The following ADGRB3 variants were observed in gnomAD, a reference collection of about 807,000 sequenced individuals.
ADGRB3 encodes adhesion G protein-coupled receptor B3.
Under a neutral mutation model 193.4 loss-of-function variants are expected in ADGRB3, and 37 were observed. The observed-to-expected ratio is 0.19, with a 90% confidence interval of 0.15 to 0.25. ADGRB3 has a LOEUF of 0.25. ADGRB3 is among the 10% of genes least tolerant of loss of function. The pLI is 1.00. For missense variants in ADGRB3, 1,637 were observed against 1,852.9 expected, an observed-to-expected ratio of 0.88 and a Z score of 2.14; for synonymous variants, 690 against 644.2, an observed-to-expected ratio of 1.07 and a Z score of -1.08.
At chr6:69,098,117 A>C (rs1238781571) in intron 17 of ADGRB3, among the ~76,000 whole-genome samples, 2 of 152,178 alleles carry the variant, frequency 1.3e-5, no homozygotes, top group African/African-American at 4.8e-5. Context: ...CAATTAAAAT[A>C]GTGCAGCTTA....
At chr6:68,989,184 G>A (rs1487451170) in intron 10 of ADGRB3, among the ~76,000 whole-genome samples, 3 of 152,008 alleles carry the variant, frequency 2.0e-5, no homozygotes, top group African/African-American at 7.2e-5. Flanking sequence ...AGGAGACTCA[G>A]CAAAACAAGA....
chr6:69,014,730 G>A (rs1770039000), intron 12 of ADGRB3, among the ~76,000 whole-genome samples: 1 of 151,942 alleles, frequency 6.6e-6, no homozygotes, highest in Non-Finnish European at 1.5e-5. Context: ...TGGGTTAGAA[G>A]TCTAGAAAGA....
intron 3 of ADGRB3, among the ~76,000 whole-genome samples, chr6:68,881,134 AC>A (rs1441575107): frequency 6.6e-6 from 1 of 151,588 alleles, no homozygotes; most frequent in Non-Finnish European, 1.5e-5. Context: ...AAGCAGCTTA[AC>A]CCAGGTATAC....
chr6:69,157,751 A>G (rs1466320710), intron 17 of ADGRB3, among the ~76,000 whole-genome samples: 1 of 151,888 alleles, frequency 6.6e-6, no homozygotes, highest in Non-Finnish European at 1.5e-5. Flanking sequence ...CCCCTCCATG[A>G]TTTTGGATAT....
intron 13 of ADGRB3, among the ~76,000 whole-genome samples, chr6:69,021,366 T>A (rs1352934503): frequency 6.6e-6 from 1 of 151,900 alleles, no homozygotes; most frequent in East Asian, 1.9e-4. Context: ...CAGTCAAATA[T>A]GAATGCCAAA....
intron 13 of ADGRB3, among the ~76,000 whole-genome samples, chr6:69,018,963 A>G (rs781543788): frequency 3.9e-5 from 6 of 151,994 alleles, no homozygotes; most frequent in Admixed American, 3.3e-4. Context: ...TGTGTGTGGT[A>G]GAACACTTGA....
chr6:68,934,722 A>G (rs1767437188), intron 4 of ADGRB3, among the ~76,000 whole-genome samples: 1 of 152,186 alleles, frequency 6.6e-6, no homozygotes, highest in Non-Finnish European at 1.5e-5. Flanking sequence ...ATACACATAT[A>G]TGTGGATTTT....
At chr6:69,210,149 C>CATATATATATATATATATATACATAT (rs58586306) in intron 17 of ADGRB3, among the ~76,000 whole-genome samples, 1 of 78,940 alleles carries the variant, frequency 1.3e-5, no homozygotes, top group African/African-American at 6.3e-5. Flanking sequence ...TAATATATAT[C>CATATATATATATATATATATACATAT]ATATATATAT....
At chr6:69,116,715 T>C (rs1277689386) in intron 17 of ADGRB3, among the ~76,000 whole-genome samples, 2 of 152,192 alleles carry the variant, frequency 1.3e-5, no homozygotes, top group Non-Finnish European at 2.9e-5. Context: ...AGTGCTAGGG[T>C]AAGAAGAAAG....
chr6:68,691,030 TA>T (rs766919413), intron 3 of ADGRB3, among the ~76,000 whole-genome samples: 1 of 152,126 alleles, frequency 6.6e-6, no homozygotes, highest in Non-Finnish European at 1.5e-5. Flanking sequence ...TTACACATAT[TA>T]GGAAATTGAT....
intron 3 of ADGRB3, among the ~76,000 whole-genome samples, chr6:68,876,262 C>T (rs1042350773): frequency 9.2e-5 from 14 of 152,054 alleles, no homozygotes; most frequent in Admixed American, 4.6e-4. Flanking sequence ...GGACTCCCTA[C>T]GGGAGCTGTG....
intron 29 of ADGRB3, among the ~76,000 whole-genome samples, chr6:69,365,560 AT>A (rs1769550168): frequency 6.6e-6 from 1 of 152,030 alleles, no homozygotes; most frequent in African/African-American, 2.4e-5. Flanking sequence ...TCTTGCCTTA[AT>A]TTTTCTTATC....
At chr6:68,965,601 T>C (rs1768358778) in intron 8 of ADGRB3, among the ~76,000 whole-genome samples, 1 of 152,170 alleles carries the variant, frequency 6.6e-6, no homozygotes, top group Non-Finnish European at 1.5e-5. Context: ...AGAAAATCAG[T>C]TTGAATAGAC....
chr6:69,372,401 TACAG>T lies in ADGRB3; in HGVS notation c.4240-3_4240del. On this transcript the variant is annotated splice_acceptor_variant and splice_polypyrimidine_tract_variant and intron_variant, in intron 29 of 31. Transcript: ENST00000370598. LOFTEE classifies it high-confidence loss of function. ...TCTCCTTCTTTTTAAAAATATATCT[TACAG>T]AGAAGAAAATCACGATATTCAGACC... 1 of 1,362,756 alleles carries T rather than the reference TACAG, an allele frequency of 7.3e-7. No homozygotes were observed. The highest frequency in any genetic ancestry group is 1.0e-6 in the Non-Finnish European group (1 of 994,168). The allele number at this position is 1,362,756 out of a possible 1,614,324, so 84.4% of individuals were successfully genotyped here. A position where few individuals can be genotyped will look rare whatever the true frequency, so the allele number is the denominator to read the frequency against.
intron 3 of ADGRB3, among the ~76,000 whole-genome samples, chr6:68,733,751 C>A (rs1271000593): frequency 6.6e-6 from 1 of 151,648 alleles, no homozygotes; most frequent in African/African-American, 2.4e-5. Context: ...AATAGGGTGA[C>A]TATAGTCAAT....
At chr6:69,338,872 A>G (rs753119760) in intron 24 of ADGRB3, 44 bp from the exon 25 acceptor site, 2 of 1,564,982 alleles carry the variant, frequency 1.3e-6, no homozygotes, top group South Asian at 2.3e-5. Context: ...TTTGGTGACA[A>G]TTCAATATTT....
chr6:69,293,358 C>G (rs1767734813), intron 20 of ADGRB3, among the ~76,000 whole-genome samples: 1 of 152,074 alleles, frequency 6.6e-6, no homozygotes. Flanking sequence ...TACTCATTAC[C>G]TTAGTCCTCT....
chr6:69,116,246 C>G (rs1773528756), intron 17 of ADGRB3, among the ~76,000 whole-genome samples: 1 of 152,158 alleles, frequency 6.6e-6, no homozygotes, highest in Non-Finnish European at 1.5e-5. Context: ...AAATGTTAAC[C>G]ACATCTCCAA....
chr6:68,707,322 C>T lies in ADGRB3; in HGVS notation c.757+67890C>T, dbSNP rs536140357. On this transcript the variant is annotated intron_variant, in intron 3 of 31. Coordinates refer to ENST00000370598, the MANE Select transcript of ADGRB3 (RefSeq NM_001704.3). ...GAATTGTTGTGCTCTTAGATACGTT[C>T]CTTCTCAGCAGCACATCTGGATTCA... 8.5e-5 allele frequency among the ~76,000 whole-genome samples: 13 copies of T among 152,208 alleles called. No homozygotes were observed. In the South Asian group the frequency reaches 1.9e-3, roughly 22 times the overall value.
Sources: gnomAD v4.1 joint callset for allele counts (sites outside exome capture counted in the v4.1 genomes callset) on GRCh38, gnomAD v4.1.1 for gene constraint, MANE v1.5 for transcripts, NCBI Gene and HGNC (gene_info 2026-07-23, HGNC 2026-07-21) for gene names.